JAKMIP1: variants seen among roughly 807,000 people sequenced by gnomAD.
JAKMIP1 encodes the protein janus kinase and microtubule-interacting protein 1.
A neutral mutation model predicts 113.0 loss-of-function variants in JAKMIP1; 33 were observed. The observed-to-expected ratio is 0.29, with a 90% CI of 0.22 to 0.39. The LOEUF is 0.39. Ranked by LOEUF, JAKMIP1 falls within the 10% of genes least tolerant of loss-of-function variation. The pLI is 1.00. For synonymous variants in JAKMIP1, 480 were observed against 459.9 expected (o/e 1.04, Z -0.56); for missense variants, 813 against 1,080.5 (o/e 0.75, Z 3.47).
rs114403980 is a variant in JAKMIP1, at chr4:6,032,190, A to G, written c.2380-2409T>C. Among the ~76,000 whole-genome samples, 464 of 152,324 alleles carry G rather than the reference A, an allele frequency of 3.0e-3. 2 individuals are homozygous for G. Among genetic ancestry groups the G allele is most frequent in the African/African-American group, 0.011 (439 of 41,564 alleles). Reference sequence around the variant, plus strand: ...CCCATGACACCGAGGGTGAAATGGGATCTGCAGGACAATGCTTTGTAATCT... The same window carrying G: ...CCCATGACACCGAGGGTGAAATGGGGTCTGCAGGACAATGCTTTGTAATCT... On this transcript the variant is annotated intron_variant, in intron 19 of 20. Transcript: ENST00000409021.
At chr4:6,126,020 TAC>T (rs1717490489) in intron 1 of JAKMIP1, among the ~76,000 whole-genome samples, 1 of 97,900 alleles carries the variant, frequency 1.0e-5, no homozygotes, top group Non-Finnish European at 2.0e-5. Context: ...ACACACACCA[TAC>T]ACACCATGCA....
chr4:6,083,274 G>A (rs919182885), intron 5 of JAKMIP1, among the ~76,000 whole-genome samples: 3 of 151,828 alleles, frequency 2.0e-5, no homozygotes, highest in Admixed American at 6.6e-5. Flanking sequence ...GTGTTGGCGG[G>A]TGCCTGTAAT....
In JAKMIP1 at chr4:6,116,447, G is replaced by C. The variant is rs1403113637; in HGVS notation, c.-147-3450C>G. ...CCGCAGGCTGGAGGATGACTGCTCA[G>C]GACACACAGGAGGCGGAGTCCTCAG... On this transcript the variant is annotated intron_variant, in intron 1 of 20. Transcript: ENST00000409021. This position sits in a 1 kb window ranked among gnomAD's most constrained non-coding sequence, Gnocchi z 5.1. Among the ~76,000 whole-genome samples, 1 of 152,150 alleles carries C rather than the reference G, an allele frequency of 6.6e-6. No homozygotes were observed. The highest frequency in any genetic ancestry group is 2.4e-5 in the African/African-American group (1 of 41,424).
In JAKMIP1 at chr4:6,199,114, G is replaced by C. The variant is rs1165534089; in HGVS notation, c.-148+1139C>G. Among the ~76,000 whole-genome samples the C allele has an allele frequency of 6.6e-6, 1 of 152,286 alleles. No homozygotes were observed. Among genetic ancestry groups the C allele is most frequent in the Non-Finnish European group, 1.5e-5 (1 of 68,050 alleles). ...ACAAGGAGCTGGCCAGCTGAAGTTA[G>C]GGCGTTCGCGGAGAGAGCACAGCAC... On this transcript the variant is annotated intron_variant, in intron 1 of 20. Transcript: ENST00000409021. This position sits in a 1 kb window ranked among gnomAD's most constrained non-coding sequence, Gnocchi z 5.6.
Position 6,154,954 on chromosome 4 carries a change from T to TG in JAKMIP1, c.-147-41958dup, listed in dbSNP as rs548101497. ...ACGCAGGGAAAGGTGCGGGGTAGGG[T>TG]GGGGGGTCTTAGCTGGGGTGGAGCC... On this transcript the variant is annotated intron_variant, in intron 1 of 20. Coordinates refer to ENST00000409021, the MANE Select transcript of JAKMIP1 (RefSeq NM_001099433.2). This position sits in a 1 kb window ranked among gnomAD's most constrained non-coding sequence, Gnocchi z 4.2. 1.5e-3 allele frequency among the ~76,000 whole-genome samples: 226 copies of TG among 151,712 alleles called. 1 individual carries two copies. The highest frequency in any genetic ancestry group is 5.2e-3 in the African/African-American group (214 of 41,386).
intron 1 of JAKMIP1, among the ~76,000 whole-genome samples, chr4:6,171,144 C>G (rs1186260828): frequency 6.7e-6 from 1 of 149,288 alleles, no homozygotes; most frequent in East Asian, 2.0e-4. Context: ...ACCAGCACCA[C>G]CATCATCACC....
At chr4:6,033,095 T>G (rs1271860748) in intron 19 of JAKMIP1, among the ~76,000 whole-genome samples, 1 of 152,194 alleles carries the variant, frequency 6.6e-6, no homozygotes, top group Non-Finnish European at 1.5e-5. Flanking sequence ...AAGTGCAGAA[T>G]CATTCCGCTG....
At chr4:6,166,566 C>T (rs543692470) in intron 1 of JAKMIP1, among the ~76,000 whole-genome samples, 19 of 152,352 alleles carry the variant, frequency 1.2e-4, no homozygotes, top group East Asian at 7.7e-4. Context: ...CTCCTGCAGC[C>T]GCGCTGAAAT....
At chr4:6,149,252 C>A (rs1285057723) in intron 1 of JAKMIP1, among the ~76,000 whole-genome samples, 1 of 152,142 alleles carries the variant, frequency 6.6e-6, no homozygotes, top group Non-Finnish European at 1.5e-5. Flanking sequence ...TCACGCTAAT[C>A]AAATAAAAAA....
In JAKMIP1 at chr4:6,105,453, G is replaced by A. The variant is rs757495888; in HGVS notation, c.624+20C>T. 1 of 1,568,428 alleles carries A rather than the reference G, an allele frequency of 6.4e-7. No individual in the cohort carries two copies. The highest frequency in any genetic ancestry group is 2.3e-5 in the East Asian group (1 of 44,362). On this transcript the variant is annotated intron_variant, in intron 3 of 20. Transcript: ENST00000409021. ...AGGGAAGGCCGCGTGCCCGCGGGCG[G>A]GGGAGGGGGCGGCACGTACCAGCCT...
intron 13 of JAKMIP1, among the ~76,000 whole-genome samples, chr4:6,052,604 C>CA (rs1211808368): frequency 6.7e-6 from 1 of 148,396 alleles, no homozygotes; most frequent in Non-Finnish European, 1.5e-5. Context: ...CAAGAGTGCA[C>CA]CACGCCACTG....
At position 6,138,530 on chromosome 4, in the gene JAKMIP1, C is replaced by T. The variant is rs1037662934; in HGVS notation, c.-147-25533G>A. Among the ~76,000 whole-genome samples, 2 of 152,096 alleles carry T rather than the reference C, an allele frequency of 1.3e-5. No individual in the cohort carries two copies. Among genetic ancestry groups the T allele is most frequent in the African/African-American group, 4.8e-5 (2 of 41,364 alleles). Reference sequence around the variant, plus strand: ...GGGATTACAGGCGTGAGCCACTGCACCTGGCCTAGAATCCAAGTTAAAATT... The same window carrying T: ...GGGATTACAGGCGTGAGCCACTGCATCTGGCCTAGAATCCAAGTTAAAATT... On this transcript the variant is annotated intron_variant, in intron 1 of 20. Transcript: ENST00000409021. The surrounding 1 kb of genome is among the most constrained non-coding windows in gnomAD (Gnocchi z 6.0).
In JAKMIP1 at chr4:6,116,635, C is replaced by G. The variant is rs1359864798; in HGVS notation, c.-147-3638G>C. On this transcript the variant is annotated intron_variant, in intron 1 of 20. Transcript: ENST00000409021. The surrounding 1 kb of genome is among the most constrained non-coding windows in gnomAD (Gnocchi z 5.1). The stretch of plus-strand genomic sequence containing the variant: ...CCCACCCATCTCTGACATCACATGT[C>G]CCCTGTCCCAGCCTCCAAGTCGTTT... 6.6e-6 allele frequency among the ~76,000 whole-genome samples: 1 copy of G among 152,222 alleles called. No individual in the cohort carries two copies. Among genetic ancestry groups the G allele is most frequent in the East Asian group, 1.9e-4 (1 of 5,196 alleles).
chr4:6,182,423 AAAAGAAAG>A (rs1218522312), intron 1 of JAKMIP1, among the ~76,000 whole-genome samples: 13 of 140,172 alleles, frequency 9.3e-5, no homozygotes, highest in African/African-American at 2.8e-4. Context: ...AAAAAAAAAA[AAAAGAAAG>A]AAAGAAAGAA....
At chr4:6,082,415 T>C (rs780882867) in intron 5 of JAKMIP1, among the ~76,000 whole-genome samples, 2 of 151,958 alleles carry the variant, frequency 1.3e-5, no homozygotes, top group Admixed American at 1.3e-4. Flanking sequence ...TACGTGTCTT[T>C]ACTGACTTGA....
intron 19 of JAKMIP1, among the ~76,000 whole-genome samples, chr4:6,034,904 T>A (rs867302310): frequency 5.8e-4 from 88 of 152,306 alleles, no homozygotes; most frequent in Middle Eastern, 6.8e-3. Context: ...TGAGCCTCCA[T>A]AATGTGTGTG....
intron 1 of JAKMIP1, among the ~76,000 whole-genome samples, chr4:6,171,418 C>A (rs889014734): frequency 1.3e-5 from 2 of 151,824 alleles, no homozygotes; most frequent in African/African-American, 4.8e-5. Flanking sequence ...CCACCATCAT[C>A]ACCACTACCA....
intron 1 of JAKMIP1, among the ~76,000 whole-genome samples, chr4:6,117,732 G>A (rs1274205252): frequency 1.3e-5 from 2 of 151,948 alleles, no homozygotes; most frequent in South Asian, 2.1e-4. Flanking sequence ...GCCCCGGGGG[G>A]CCAGTTCAGA....
chr4:6,075,517 G>C (rs1185381881), intron 8 of JAKMIP1, among the ~76,000 whole-genome samples: 1 of 152,168 alleles, frequency 6.6e-6, no homozygotes, highest in Non-Finnish European at 1.5e-5. Context: ...AAAAAATGCT[G>C]GTGGGCCCAG....
Sources: allele counts gnomAD v4.1 joint callset (sites outside exome capture counted in the v4.1 genomes callset), GRCh38; gene constraint gnomAD v4.1.1; non-coding constraint Gnocchi (gnomAD v3.1); transcripts MANE v1.5; gene names NCBI Gene and HGNC (gene_info 2026-07-23, HGNC 2026-07-21).